Variants in TTN observed in about 807,000 individuals in gnomAD.
TTN encodes the protein connectin.
In TTN, 1,525 loss-of-function variants were observed where a neutral mutation model predicts 3,223.0. The ratio of observed to expected loss-of-function variants is 0.47; its 90% CI spans 0.45 to 0.49. The LOEUF is 0.49. Among genes scored for constraint, TTN ranks in the 20% least tolerant of loss-of-function variants. The pLI is 0.00. For synonymous variants in TTN, 14,094 were observed against 15,161.0 expected (o/e 0.93, Z 5.17); for missense variants, 40,786 against 43,424.0 (o/e 0.94, Z 5.40).
intron 172 of TTN, 31 bp downstream of exon 172, chr2:178,663,402 A>T (rs1449036235): frequency 6.2e-7 from 1 of 1,608,488 alleles, no homozygotes; most frequent in Non-Finnish European, 8.5e-7. Context: ...CAAACAAACA[A>T]TATCAAACAC....
At position 178,580,119 on chromosome 2, in the gene TTN, C is replaced by G; in HGVS notation, c.67168G>C (p.Val22390Leu). ...CTCTCTGCATCACGTTTTTGTACCA[C>G]ATAGTTTATGATGGGGCTTCCGCCA... ...IDGGSPIINY[V>L]VQKRDAERKS... Residue 22390 changes from valine to leucine, a missense_variant, in exon 318 of 363, where the codon GTG becomes CTG. Coordinates refer to ENST00000589042, the MANE Select transcript of TTN (RefSeq NM_001267550.2). The G allele has an allele frequency of 6.2e-7, 1 of 1,613,380 alleles. No homozygotes were observed. Among genetic ancestry groups the G allele is most frequent in the Non-Finnish European group, 8.5e-7 (1 of 1,179,506 alleles).
chr2:178,726,014 C>T lies in TTN; in HGVS notation c.20308G>A (p.Val6770Ile). Reference protein sequence around the residue: ...PPVFSSFPPIVETLKNAEVSL... With the variant: ...PPVFSSFPPIIETLKNAEVSL... ...ACTTCAGCATTTTTAAGGGTTTCTA[C>T]TATAGGAGGGAAGCTGCTAAAAACA... Residue 6770 changes from valine to isoleucine, a missense_variant, in exon 70 of 363, where the codon GTA (valine) becomes ATA (isoleucine). Transcript: ENST00000589042. 1 of 1,556,234 alleles carries T rather than the reference C, an allele frequency of 6.4e-7. No homozygotes were observed. Among genetic ancestry groups the T allele is most frequent in the Non-Finnish European group, 8.7e-7 (1 of 1,148,144 alleles).
Position 178,610,392 on chromosome 2 carries a change from A to G in TTN, c.51137-3T>C, listed in dbSNP as rs1159403099. 8 of 1,605,064 alleles carry G rather than the reference A, an allele frequency of 5.0e-6. No homozygotes were observed. The highest frequency in any genetic ancestry group is 5.9e-6 in the Non-Finnish European group (7 of 1,177,464). On this transcript the variant is annotated splice_region_variant and splice_polypyrimidine_tract_variant and intron_variant, in intron 270 of 362. Coordinates refer to ENST00000589042, the MANE Select transcript of TTN (RefSeq NM_001267550.2). ...ATCTTTGCATGGTCCAGGTAGGCCTATTACAAAAATGGATAATTATTCTAG... is the reference window on the plus strand; with the variant it reads ...ATCTTTGCATGGTCCAGGTAGGCCTGTTACAAAAATGGATAATTATTCTAG...
In TTN at chr2:178,577,822, G is replaced by T. The variant is rs750368181; in HGVS notation, c.68604C>A (p.Asp22868Glu). Reference protein sequence around the residue: ...VTLIWTEPKYDGGHKLTGYIV... With the variant: ...VTLIWTEPKYEGGHKLTGYIV... Reference sequence around the variant, plus strand: ...TATATCCAGTTAACTTATGACCACCGTCATATTTAGGTTCAGTCCAAATGA... The same window carrying T: ...TATATCCAGTTAACTTATGACCACCTTCATATTTAGGTTCAGTCCAAATGA... The change falls in exon 323 of 363, where the codon GAC (aspartate) becomes GAA (glutamate). Residue 22868 changes from aspartate (D) to glutamate (E), a missense_variant. Coordinates refer to ENST00000589042, the MANE Select transcript of TTN (RefSeq NM_001267550.2). The T allele has an allele frequency of 6.2e-7, 1 of 1,611,358 alleles. No homozygotes were observed. Among genetic ancestry groups the T allele is most frequent in the South Asian group, 1.1e-5 (1 of 90,664 alleles).
rs958378883 is a variant in TTN, at chr2:178,564,370, A to G, written c.81762T>C (p.Phe27254=). Residue 27254 remains phenylalanine, a synonymous_variant, in exon 326 of 363, where the codon TTT becomes TTC. Coordinates refer to ENST00000589042, the MANE Select transcript of TTN (RefSeq NM_001267550.2). ...CACCACTACTATCAGATGGTTCACTAAAGTTTCCAGCTGCATTTCTTGCAA... is the reference window on the plus strand; with the variant it reads ...CACCACTACTATCAGATGGTTCACTGAAGTTTCCAGCTGCATTTCTTGCAA... ...RVIARNAAGN[F]SEPSDSSGAI... is the part of the protein sequence containing the mutation. 1.1e-5 allele frequency: 17 copies of G among 1,613,702 alleles called. No individual in the cohort carries two copies. The highest frequency in any genetic ancestry group is 1.3e-5 in the Non-Finnish European group (15 of 1,179,750).
rs794729402 is a variant in TTN at position 178,704,150 on chromosome 2, C to T, written c.30220G>A (p.Glu10074Lys). 1.4e-5 allele frequency: 22 copies of T among 1,613,440 alleles called. No individual in the cohort carries two copies. The highest frequency in any genetic ancestry group is 1.6e-4 in the Middle Eastern group (1 of 6,084). ...GACTCCATAGTGTTTCACGCACCTT[C>T]GATTCTGAGTTCTGCTGAAGTTTCA... ...DLETSAELRI[E>K]AEPIQFTKRI... Residue 10074 changes from glutamate (E) to lysine (K), a missense_variant, in exon 106 of 363, where the codon GAA (glutamate) becomes AAA (lysine). Glu to Lys is a moderately conservative substitution (Grantham distance 56). Coordinates refer to ENST00000589042, the MANE Select transcript of TTN (RefSeq NM_001267550.2).
At position 178,538,658 on chromosome 2, in the gene TTN, T is replaced by G; in HGVS notation, c.99171A>C (p.Gln33057His). The change falls in exon 354 of 363, where the codon CAA (glutamine) becomes CAC (histidine). Residue 33057 changes from glutamine (Q) to histidine (H), a missense_variant. By Grantham distance (24) the Gln-to-His change is conservative. Coordinates refer to ENST00000589042, the MANE Select transcript of TTN (RefSeq NM_001267550.2). ...CTTCCAGCAAACCTCCTATTGTGAA[T>G]TGCTTGTCCTTAATACGTTCCTTAT... ...KSNKERIKDK[Q>H]FTIGGLLEAT... 1.2e-6 allele frequency: 2 copies of G among 1,613,804 alleles called. No individual in the cohort carries two copies. The highest frequency in any genetic ancestry group is 1.7e-6 in the Non-Finnish European group (2 of 1,179,748).
At position 178,566,049 on chromosome 2, in the gene TTN, C is replaced by A. The variant is rs772729384; in HGVS notation, c.80083G>T (p.Val26695Leu). 32 of 1,613,474 alleles carry A rather than the reference C, an allele frequency of 2.0e-5. No individual in the cohort carries two copies. Among genetic ancestry groups the A allele is most frequent in the Non-Finnish European group, 2.7e-5 (32 of 1,179,646 alleles). ...GPPQNLAVKEVRKDSAFLVWE... is the reference protein window; with the variant it reads ...GPPQNLAVKELRKDSAFLVWE... ...ACCAGGAAGGCAGAATCTTTTCTCA[C>A]TTCTTTGACTGCCAAATTCTGTGGT... The change falls in exon 326 of 363, where the codon GTG (valine) becomes TTG (leucine). Residue 26695 changes from valine (V) to leucine (L), a missense_variant. By Grantham distance (32) the Val-to-Leu change is conservative. Coordinates refer to ENST00000589042, the MANE Select transcript of TTN (RefSeq NM_001267550.2).
In TTN at chr2:178,692,021, G is replaced by C. The variant is rs200459347; in HGVS notation, c.31757C>G (p.Pro10586Arg). ...CATCATTGGCTCTGGCGTACCTTTTGGGGGAGCAGCAGGTTCCTTCTTAGG... is the reference window on the plus strand; with the variant it reads ...CATCATTGGCTCTGGCGTACCTTTTCGGGGAGCAGCAGGTTCCTTCTTAGG... ...PVPKKEPAAP[P>R]KVPEVPKKPV... The change falls in exon 121 of 363, where the codon CCA becomes CGA. Residue 10586 changes from proline to arginine, a missense_variant. Physicochemically the swap from Pro to Arg is moderately radical, Grantham distance 103 (BLOSUM62 -2). Coordinates refer to ENST00000589042, the MANE Select transcript of TTN (RefSeq NM_001267550.2). 1.2e-5 allele frequency: 20 copies of C among 1,611,578 alleles called. No individual in the cohort carries two copies. Among genetic ancestry groups the C allele is most frequent in the Admixed American group, 1.7e-5 (1 of 59,760 alleles).
Position 178,563,101 on chromosome 2 carries a change from G to T in TTN, c.83031C>A (p.Leu27677=). 1 of 1,613,680 alleles carries T rather than the reference G, an allele frequency of 6.2e-7. No individual in the cohort carries two copies. The highest frequency in any genetic ancestry group is 8.5e-7 in the Non-Finnish European group (1 of 1,179,718). The change falls in exon 326 of 363, where the codon CTC becomes CTA. Residue 27677 remains leucine, a synonymous_variant. Coordinates refer to ENST00000589042, the MANE Select transcript of TTN (RefSeq NM_001267550.2). The surrounding 1 kb of genome is among the most constrained non-coding windows in gnomAD (Gnocchi z 4.5). ...QERIEPPEIE[L]DADLRKVVVL... is the part of the protein sequence containing the mutation. ...CGACCACCTTTCTGAGATCAGCATC[G>T]AGTTCTATTTCTGGTGGCTCTATCC...
chr2:178,534,754 G>A lies in TTN; in HGVS notation c.101861C>T (p.Thr33954Ile), dbSNP rs368172120. ...NIIYQTRRSS[T>I]IKIIEFGQAR... ...TTGACCAAATTCTATGATTTTAATGGTAGAGCTTCTTCTGGTTTGGTAAAT... is the reference window on the plus strand; with the variant it reads ...TTGACCAAATTCTATGATTTTAATGATAGAGCTTCTTCTGGTTTGGTAAAT... Residue 33954 changes from threonine (T) to isoleucine (I), a missense_variant, in exon 358 of 363, where the codon ACC becomes ATC. Coordinates refer to ENST00000589042, the MANE Select transcript of TTN (RefSeq NM_001267550.2). 3 of 1,613,768 alleles carry A rather than the reference G, an allele frequency of 1.9e-6. No homozygotes were observed. The highest frequency in any genetic ancestry group is 2.5e-6 in the Non-Finnish European group (3 of 1,179,800).
intron 223 of TTN, among the ~76,000 whole-genome samples, chr2:178,638,402 T>C (rs1297334242): frequency 6.6e-6 from 1 of 151,324 alleles, no homozygotes; most frequent in Non-Finnish European, 1.5e-5. Flanking sequence ...CCAAATAGTT[T>C]TATTTATTGA....
Position 178,572,206 on chromosome 2 carries a change from A to G in TTN, c.73926T>C (p.His24642=), listed in dbSNP as rs1708462285. 1 of 1,613,326 alleles carries G rather than the reference A, an allele frequency of 6.2e-7. No individual in the cohort carries two copies. The highest frequency in any genetic ancestry group is 8.5e-7 in the Non-Finnish European group (1 of 1,179,626). The change falls in exon 326 of 363, where the codon CAT becomes CAC. Residue 24642 remains histidine, a synonymous_variant. Coordinates refer to ENST00000589042, the MANE Select transcript of TTN (RefSeq NM_001267550.2). ...AGCCTAGAATTCGGCTGCCTCCATC[A>G]TGCTCTGGTTTCTCCCAAGAGAGTG... is the stretch of plus-strand genomic sequence containing the variant. The part of the protein sequence containing the change: ...SVSLSWEKPE[H]DGGSRILGYI...
In TTN at chr2:178,551,168, C is replaced by T. The variant is rs766444853; in HGVS notation, c.91363G>A (p.Val30455Met). 4.3e-6 allele frequency: 7 copies of T among 1,613,580 alleles called. No homozygotes were observed. Among genetic ancestry groups the T allele is most frequent in the Middle Eastern group, 1.7e-4 (1 of 6,058 alleles). The change falls in exon 336 of 363, where the codon GTG becomes ATG. Residue 30455 changes from valine (V) to methionine (M), a missense_variant. Coordinates refer to ENST00000589042, the MANE Select transcript of TTN (RefSeq NM_001267550.2). ...TGCCGTTTCTCAATGCTATAGCCCACAATCTTACTGCCTCCATCACGCAAT... is the reference window on the plus strand; with the variant it reads ...TGCCGTTTCTCAATGCTATAGCCCATAATCTTACTGCCTCCATCACGCAAT... ...PPLRDGGSKI[V>M]GYSIEKRQGN...
In TTN at chr2:178,551,937, C is replaced by A; in HGVS notation, c.90963G>T (p.Gln30321His). The A allele has an allele frequency of 1.2e-6, 2 of 1,613,396 alleles. No individual in the cohort carries two copies. The highest frequency in any genetic ancestry group is 1.7e-6 in the Non-Finnish European group (2 of 1,179,436). Residue 30321 changes from glutamine (Q) to histidine (H), a missense_variant, in exon 335 of 363, where the codon CAG becomes CAT. Physicochemically the swap from Gln to His is conservative, Grantham distance 24. Coordinates refer to ENST00000589042, the MANE Select transcript of TTN (RefSeq NM_001267550.2). ...LVSSIIVAKHQFRIPGPPGKP... is the reference protein window; with the variant it reads ...LVSSIIVAKHHFRIPGPPGKP... ...TTCCTGGGGGACCAGGAATCCTGAA[C>A]TGGTGTTTTGCCACAATAATGCTTG...
Position 178,549,313 on chromosome 2 carries a change from G to C in TTN, c.92313C>G (p.Ser30771Arg). Residue 30771 changes from serine (S) to arginine (R), a missense_variant, in exon 339 of 363, where the codon AGC becomes AGG. Transcript: ENST00000589042. ...ATCTTGTTTCAGAGATTGGTCGTTT[G>C]CTGATCACTTTTACCCATCTTGTGC... is the stretch of plus-strand genomic sequence containing the variant. ...KKSTRWVKVI[S>R]KRPISETRFK... is the part of the protein sequence containing the mutation. 6.2e-7 allele frequency: 1 copy of C among 1,613,882 alleles called. No homozygotes were observed. Among genetic ancestry groups the C allele is most frequent in the Non-Finnish European group, 8.5e-7 (1 of 1,179,822 alleles).
chr2:178,584,908 G>C lies in TTN; in HGVS notation c.64733C>G (p.Ser21578Cys). Residue 21578 changes from serine to cysteine, a missense_variant, in exon 310 of 363, where the codon TCC (serine) becomes TGC (cysteine). By Grantham distance (112) the Ser-to-Cys change is moderately radical (BLOSUM62 -1). Transcript: ENST00000589042. ...DISDIDADACSLSWHIPLEDG... is the reference protein window; with the variant it reads ...DISDIDADACCLSWHIPLEDG... Reference sequence around the variant, plus strand: ...CTCCAGAGGGATGTGCCATGACAGGGAGCAAGCATCAGCGTCTATATCAGA... The same window carrying C: ...CTCCAGAGGGATGTGCCATGACAGGCAGCAAGCATCAGCGTCTATATCAGA... 1 of 1,613,310 alleles carries C rather than the reference G, an allele frequency of 6.2e-7. No homozygotes were observed. The highest frequency in any genetic ancestry group is 1.7e-4 in the Middle Eastern group (1 of 6,052).
rs1385404816 is a variant in TTN at position 178,650,218 on chromosome 2, C to T, written c.39763G>A (p.Glu13255Lys). 1 of 1,558,172 alleles carries T rather than the reference C, an allele frequency of 6.4e-7. No individual in the cohort carries two copies. The highest frequency in any genetic ancestry group is 1.5e-5 in the African/African-American group (1 of 65,236). ...TCTTCTGCAACAGGAACTGGCTTTT[C>T]CTCTTCAGGAGCAATTTCCTCTTCA... ...APEEEIAPEE[E>K]KPVPVAEEEE... is the part of the protein sequence containing the mutation. Residue 13255 changes from glutamate to lysine, a missense_variant, in exon 210 of 363, where the codon GAA becomes AAA. Physicochemically the swap from Glu to Lys is moderately conservative, Grantham distance 56. Coordinates refer to ENST00000589042, the MANE Select transcript of TTN (RefSeq NM_001267550.2).
Position 178,572,507 on chromosome 2 carries a change from G to A in TTN, c.73625C>T (p.Pro24542Leu). Residue 24542 changes from proline (P) to leucine (L), a missense_variant, in exon 326 of 363, where the codon CCA becomes CTA. Coordinates refer to ENST00000589042, the MANE Select transcript of TTN (RefSeq NM_001267550.2). ...TTTTGAACCTCCATCAAGGAGAGGTGGGTCCCATGTGAGTGTGACAGATGT... is the reference window on the plus strand; with the variant it reads ...TTTTGAACCTCCATCAAGGAGAGGTAGGTCCCATGTGAGTGTGACAGATGT... ...TKTSVTLTWDPPLLDGGSKIK... is the reference protein window; with the variant it reads ...TKTSVTLTWDLPLLDGGSKIK... 1 of 1,613,282 alleles carries A rather than the reference G, an allele frequency of 6.2e-7. No homozygotes were observed. Among genetic ancestry groups the A allele is most frequent in the Non-Finnish European group, 8.5e-7 (1 of 1,179,556 alleles).
Sources: gnomAD v4.1 joint callset for allele counts (sites outside exome capture counted in the v4.1 genomes callset) on GRCh38, gnomAD v4.1.1 for gene constraint, Gnocchi (gnomAD v3.1) non-coding constraint, MANE v1.5 for transcripts, NCBI Gene and HGNC (gene_info 2026-07-23, HGNC 2026-07-21) for gene names.